PDE4B: variants seen among roughly 807,000 people sequenced by gnomAD.
PDE4B encodes the protein 3',5'-cyclic-AMP phosphodiesterase 4B.
Under a neutral mutation model 82.2 loss-of-function variants are expected in PDE4B, and 20 were observed. That is an observed-to-expected ratio of 0.24 (90% CI 0.17 to 0.35). The LOEUF (loss-of-function observed/expected upper bound fraction) is 0.35, where lower values mean the gene tolerates loss of function less well. Ranked by LOEUF, PDE4B falls within the 10% of genes least tolerant of loss-of-function variation. The probability of loss-of-function intolerance (pLI) is 1.00; values close to 1 mark genes in which losing one functional copy is unlikely to be tolerated. For missense variants in PDE4B, 655 were observed against 907.2 expected (o/e 0.72, Z 3.57); for synonymous variants, 320 against 318.9 (o/e 1.00, Z -0.04).
At chr1:65,999,548 G>C (rs1024294005) in intron 3 of PDE4B, among the ~76,000 whole-genome samples, 2 of 152,134 alleles carry the variant, frequency 1.3e-5, no homozygotes, top group African/African-American at 4.8e-5. Context: ...CTATCTCCAG[G>C]TATCACTATC....
chr1:66,125,924 A>G (rs1645812885), intron 3 of PDE4B, among the ~76,000 whole-genome samples: 1 of 152,184 alleles, frequency 6.6e-6, no homozygotes, highest in South Asian at 2.1e-4. Flanking sequence ...CTCCTGCTTC[A>G]GCCTCCTGAG....
At chr1:66,173,357 A>G (rs114851074) in intron 3 of PDE4B, among the ~76,000 whole-genome samples, 1,674 of 152,324 alleles carry the variant, frequency 0.011, 32 homozygotes, top group African/African-American at 0.038. Flanking sequence ...AGAGACGGGC[A>G]TAAGCCAAAA....
At chr1:66,224,755 C>T (rs568703511) in intron 3 of PDE4B, among the ~76,000 whole-genome samples, 116 of 152,222 alleles carry the variant, frequency 7.6e-4, no homozygotes, top group Middle Eastern at 3.4e-3. Flanking sequence ...GCAAACAACT[C>T]GAGCTCATTC....
chr1:66,097,644 T>A (rs1645142823), intron 3 of PDE4B, among the ~76,000 whole-genome samples: 2 of 152,014 alleles, frequency 1.3e-5, no homozygotes, highest in South Asian at 4.1e-4. Flanking sequence ...TAGCCTATAC[T>A]TTTTTCTTCC....
chr1:65,800,981 G>C (rs1464798672), intron 1 of PDE4B, among the ~76,000 whole-genome samples: 1 of 152,160 alleles, frequency 6.6e-6, no homozygotes, highest in South Asian at 2.1e-4. Context: ...ATCTTCCTCT[G>C]CTATACAAGT....
intron 3 of PDE4B, 146 bp from the exon 4 acceptor site, chr1:66,247,314 G>A (rs1653391766): frequency 2.0e-6 from 1 of 502,258 alleles, no homozygotes; most frequent in Non-Finnish European, 3.6e-6. Flanking sequence ...TCTAAGCTGT[G>A]TTGAGGATGA....
At chr1:65,917,013 G>T (rs940440518) in intron 2 of PDE4B, among the ~76,000 whole-genome samples, 12 of 152,102 alleles carry the variant, frequency 7.9e-5, no homozygotes, top group South Asian at 2.1e-4. Flanking sequence ...GGAGGGTGGG[G>T]CTCCTGAAAA....
intron 1 of PDE4B, among the ~76,000 whole-genome samples, chr1:65,823,785 A>G (rs889699428): frequency 6.6e-6 from 1 of 152,148 alleles, no homozygotes; most frequent in Non-Finnish European, 1.5e-5. Context: ...TTCATCATCT[A>G]CACTTTCTTT....
At chr1:65,887,842 A>C (rs965553370) in intron 1 of PDE4B, among the ~76,000 whole-genome samples, 3 of 151,974 alleles carry the variant, frequency 2.0e-5, no homozygotes, top group Admixed American at 1.3e-4. Flanking sequence ...CTATATCTGG[A>C]TATTAGTCTC....
At chr1:65,801,516 C>G (rs1177747647) in intron 1 of PDE4B, among the ~76,000 whole-genome samples, 5 of 152,092 alleles carry the variant, frequency 3.3e-5, no homozygotes, top group African/African-American at 1.2e-4. Context: ...CCAATACTTT[C>G]ATTTTGAAGA....
intron 3 of PDE4B, among the ~76,000 whole-genome samples, chr1:66,139,865 A>T (rs542971363): frequency 6.6e-6 from 1 of 152,260 alleles, no homozygotes; most frequent in East Asian, 1.9e-4. Flanking sequence ...TTTTGAAAGG[A>T]AATATTTTTC....
chr1:66,196,729 T>A (rs1430270193), intron 3 of PDE4B, among the ~76,000 whole-genome samples: 2 of 147,210 alleles, frequency 1.4e-5, no homozygotes, highest in African/African-American at 5.0e-5. Context: ...AAACACCGCA[T>A]ATTCTCACTC....
At chr1:65,998,664 G>A (rs1421266550) in intron 3 of PDE4B, among the ~76,000 whole-genome samples, 1 of 152,104 alleles carries the variant, frequency 6.6e-6, no homozygotes, top group Admixed American at 6.5e-5. Flanking sequence ...TGGGAGGAAA[G>A]CATGTGAACT....
Position 66,202,903 on chromosome 1 carries a change from G to A in PDE4B, c.282-44557G>A, listed in dbSNP as rs1359018436. On this transcript the variant is annotated intron_variant, in intron 3 of 16. Transcript: ENST00000341517. The stretch of plus-strand genomic sequence containing the variant: ...GATCCTGTCATTATGATGTTAGCTG[G>A]TTATTTTGCTCATTAGTTGATGCAG... Among the ~76,000 whole-genome samples, 4 of 151,366 alleles carry A rather than the reference G, an allele frequency of 2.6e-5. No homozygotes were observed. In the South Asian group the frequency reaches 6.3e-4, roughly 24 times the overall value.
chr1:66,136,526 A>G (rs1308406847), intron 3 of PDE4B, among the ~76,000 whole-genome samples: 4 of 151,946 alleles, frequency 2.6e-5, no homozygotes, highest in African/African-American at 9.7e-5. Context: ...CCTGGCCAAC[A>G]TGATGAAACC....
intron 1 of PDE4B, among the ~76,000 whole-genome samples, chr1:65,872,009 G>A (rs1315530970): frequency 6.6e-6 from 1 of 152,064 alleles, no homozygotes; most frequent in Non-Finnish European, 1.5e-5. Context: ...TAAAGAGTAG[G>A]TGAAGCTAAA....
At chr1:66,080,752 T>G (rs1218107809) in intron 3 of PDE4B, among the ~76,000 whole-genome samples, 1 of 152,178 alleles carries the variant, frequency 6.6e-6, no homozygotes, top group Admixed American at 6.6e-5. Context: ...TCTTTTCTTC[T>G]TTGTTAACTT....
chr1:65,991,229 C>T (rs1337543168), intron 3 of PDE4B, among the ~76,000 whole-genome samples: 2 of 152,028 alleles, frequency 1.3e-5, no homozygotes, highest in South Asian at 2.1e-4. Flanking sequence ...AGGTGTGTGC[C>T]GTCAAGCCTG....
intron 1 of PDE4B, among the ~76,000 whole-genome samples, chr1:65,814,735 G>T (rs1645860050): frequency 6.6e-6 from 1 of 151,880 alleles, no homozygotes. Context: ...TCACTCAAAG[G>T]ATGCTTTTTT....
Sources: gnomAD v4.1 joint callset for allele counts (sites outside exome capture counted in the v4.1 genomes callset) on GRCh38, gnomAD v4.1.1 for gene constraint, MANE v1.5 for transcripts, NCBI Gene and HGNC (gene_info 2026-07-23, HGNC 2026-07-21) for gene names.